CTNNA2: variants seen among roughly 807,000 people sequenced by gnomAD.
The protein encoded by CTNNA2 is catenin alpha-2.
A neutral mutation model predicts 101.0 loss-of-function variants in CTNNA2; 42 were observed. The observed-to-expected ratio is 0.42, with a 90% CI of 0.32 to 0.54. The LOEUF is 0.54. Ranked by LOEUF, CTNNA2 falls within the 20% of genes least tolerant of loss-of-function variation. The pLI is 0.14. For missense variants in CTNNA2, 871 were observed against 1,223.1 expected, an observed-to-expected ratio of 0.71 and a Z score of 4.29; for synonymous variants, 450 against 456.4, an observed-to-expected ratio of 0.99 and a Z score of 0.18.
At chr2:80,112,845 C>T (rs961473504) in intron 7 of CTNNA2, among the ~76,000 whole-genome samples, 1 of 152,140 alleles carries the variant, frequency 6.6e-6, no homozygotes, top group Non-Finnish European at 1.5e-5. Flanking sequence ...AGGTCATTTG[C>T]TGAGCCAAAT....
At chr2:80,368,289 G>T (rs969452155) in intron 7 of CTNNA2, among the ~76,000 whole-genome samples, 1 of 152,094 alleles carries the variant, frequency 6.6e-6, no homozygotes, top group South Asian at 2.1e-4. Context: ...ATGAAATAAG[G>T]CATTGAAAAG....
chr2:79,500,624 C>T (rs1671309170), intron 4 of CTNNA2: 1 of 152,214 alleles, frequency 6.6e-6, no homozygotes, highest in African/African-American at 2.4e-5. Flanking sequence ...ATACAAAATG[C>T]ATTCCTTAGC....
intron 2 of CTNNA2, among the ~76,000 whole-genome samples, chr2:79,311,618 A>G (rs1676376490): frequency 6.6e-6 from 1 of 152,048 alleles, no homozygotes; most frequent in Non-Finnish European, 1.5e-5. Flanking sequence ...TCTTCAATTC[A>G]GAGTTGACCC....
intron 7 of CTNNA2, among the ~76,000 whole-genome samples, chr2:80,102,533 A>G (rs373903841): frequency 1.3e-5 from 2 of 152,272 alleles, no homozygotes; most frequent in East Asian, 3.9e-4. Context: ...ATTTAGAGAC[A>G]GAGTCTTCTT....
intron 9 of CTNNA2, among the ~76,000 whole-genome samples, chr2:80,525,050 C>CT (rs59620468): frequency 4.1e-4 from 61 of 148,438 alleles, no homozygotes; most frequent in South Asian, 8.6e-4. Context: ...GCAGTATACA[C>CT]TTTTTTTTTT....
In CTNNA2 at chr2:79,858,295, C is replaced by G. The variant is rs1344510771; in HGVS notation, c.465+116C>G. 8 of 673,126 alleles carry G rather than the reference C, an allele frequency of 1.2e-5. No homozygotes were observed. The Admixed American group carries it at 2.5e-4, about 21-fold the overall frequency. The allele number at this position is 673,126 out of a possible 1,614,324, so 41.7% of individuals were successfully genotyped here. ...CATTGCTCACCAGATCAGTTCATTACCTACCCATGTGGTGCCCACGTCCAA... is the reference window on the plus strand; with the variant it reads ...CATTGCTCACCAGATCAGTTCATTAGCTACCCATGTGGTGCCCACGTCCAA... On this transcript the variant is annotated intron_variant, in intron 4 of 18. Transcript: ENST00000402739.
chr2:79,310,524 T>C (rs1676342404), intron 2 of CTNNA2, among the ~76,000 whole-genome samples: 1 of 152,262 alleles, frequency 6.6e-6, no homozygotes, highest in Non-Finnish European at 1.5e-5. Context: ...TCAAGACTAC[T>C]GAAGAAATCT....
chr2:80,367,951 A>G (rs1675089169), intron 7 of CTNNA2, among the ~76,000 whole-genome samples: 1 of 152,156 alleles, frequency 6.6e-6, no homozygotes, highest in African/African-American at 2.4e-5. Flanking sequence ...TTGAGTTCCA[A>G]GATGTTTATC....
intron 9 of CTNNA2, among the ~76,000 whole-genome samples, chr2:80,445,382 G>A (rs887364944): frequency 1.6e-4 from 24 of 151,884 alleles, no homozygotes; most frequent in Admixed American, 5.3e-4. Flanking sequence ...GGGTTTTTCC[G>A]TGTTGTCCAG....
intron 9 of CTNNA2, among the ~76,000 whole-genome samples, chr2:80,445,781 T>G (rs185784084): frequency 3.0e-4 from 45 of 152,320 alleles, no homozygotes; most frequent in African/African-American, 1.1e-3. Flanking sequence ...GACAGTGGCC[T>G]TGGGAACAAA....
intron 7 of CTNNA2, among the ~76,000 whole-genome samples, chr2:80,225,320 G>A (rs1011015983): frequency 6.6e-6 from 1 of 152,150 alleles, no homozygotes; most frequent in Non-Finnish European, 1.5e-5. Context: ...TGCAAACACA[G>A]GTCACACTTT....
intron 7 of CTNNA2, among the ~76,000 whole-genome samples, chr2:80,225,933 G>A (rs1393816412): frequency 6.6e-6 from 1 of 152,192 alleles, no homozygotes; most frequent in African/African-American, 2.4e-5. Context: ...ATACTGATTA[G>A]ATACTAGGAG....
At chr2:80,380,419 C>T (rs565140823) in intron 7 of CTNNA2, among the ~76,000 whole-genome samples, 2 of 152,200 alleles carry the variant, frequency 1.3e-5, no homozygotes, top group East Asian at 1.9e-4. Flanking sequence ...CTCAGCCTCC[C>T]GCAAGGGCTC....
At chr2:79,215,220 GAGGAATC>G (rs1297793456) in intron 2 of CTNNA2, among the ~76,000 whole-genome samples, 1 of 152,162 alleles carries the variant, frequency 6.6e-6, no homozygotes, top group Non-Finnish European at 1.5e-5. Context: ...CGTGGCTTAG[GAGGAATC>G]TTGGGCTGTG....
At chr2:79,886,142 C>T (rs574266752) in intron 6 of CTNNA2, among the ~76,000 whole-genome samples, 16 of 152,150 alleles carry the variant, frequency 1.1e-4, no homozygotes, top group African/African-American at 2.4e-4. Flanking sequence ...ATTATGTGTG[C>T]GTAAGGGGGT....
chr2:79,822,713 G>A (rs1002282444), intron 3 of CTNNA2, among the ~76,000 whole-genome samples: 2 of 152,042 alleles, frequency 1.3e-5, no homozygotes, highest in Non-Finnish European at 1.5e-5. Flanking sequence ...CTCCCTGGCC[G>A]CTAGTGGCCT....
chr2:80,635,026 A>G (rs1251818788), intron 18 of CTNNA2, among the ~76,000 whole-genome samples: 8 of 152,154 alleles, frequency 5.3e-5, no homozygotes, highest in Non-Finnish European at 1.2e-4. Flanking sequence ...CATTCTCTTC[A>G]TGTCAAGAGG....
chr2:79,407,759 A>T (rs555820036), intron 4 of CTNNA2, among the ~76,000 whole-genome samples: 2 of 152,138 alleles, frequency 1.3e-5, no homozygotes, highest in African/African-American at 4.8e-5. Flanking sequence ...GAAAACACAG[A>T]AAAGGATAGT....
chr2:80,591,480 C>CTTTTTTTTTTTTTTTTTT (rs1473500318), intron 15 of CTNNA2, among the ~76,000 whole-genome samples: 4 of 33,538 alleles, frequency 1.2e-4, no homozygotes, highest in Middle Eastern at 0.016. Context: ...TTTTTTTTTG[C>CTTTTTTTTTTTTTTTTTT]AAACAGACAG....
Sources: allele counts gnomAD v4.1 joint callset (sites outside exome capture counted in the v4.1 genomes callset), GRCh38; gene constraint gnomAD v4.1.1; transcripts MANE v1.5; gene names NCBI Gene and HGNC (gene_info 2026-07-23, HGNC 2026-07-21).